Variants in GRM8 observed in about 807,000 individuals in gnomAD.
The protein encoded by GRM8 is glutamate metabotropic receptor 8.
Under a neutral mutation model 87.2 loss-of-function variants are expected in GRM8, and 47 were observed. The observed-to-expected ratio is 0.54, with a 90% confidence interval of 0.43 to 0.69. GRM8 has a LOEUF of 0.69. Among genes scored for constraint, GRM8 ranks in the 30% least tolerant of loss-of-function variants. GRM8 has a pLI of 0.00. For synonymous variants in GRM8, 396 were observed against 404.5 expected (o/e 0.98, Z 0.25); for missense variants, 1,019 against 1,139.2 (o/e 0.89, Z 1.52).
At chr7:126,730,100 TGTAAGA>T (rs1447191960) in intron 7 of GRM8, among the ~76,000 whole-genome samples, 5 of 152,234 alleles carry the variant, frequency 3.3e-5, no homozygotes, top group Admixed American at 1.3e-4. Flanking sequence ...AAAGAAGTAA[TGTAAGA>T]GTAATGTTTG....
chr7:127,218,527 C>T (rs1258328783), intron 2 of GRM8, among the ~76,000 whole-genome samples: 1 of 152,150 alleles, frequency 6.6e-6, no homozygotes, highest in African/African-American at 2.4e-5. Flanking sequence ...ATAAGCATTG[C>T]TACTTCATAG....
intron 6 of GRM8, among the ~76,000 whole-genome samples, chr7:126,813,796 C>G (rs1233196094): frequency 6.6e-6 from 1 of 152,044 alleles, no homozygotes; most frequent in African/African-American, 2.4e-5. Context: ...GTACAAAGCT[C>G]CTTGATAATG....
In GRM8 at chr7:126,622,516, T is replaced by C. The variant is rs573453820; in HGVS notation, c.1358-13018A>G. 2.6e-5 allele frequency among the ~76,000 whole-genome samples: 4 copies of C among 152,182 alleles called. No homozygotes were observed. In the South Asian group the frequency reaches 8.3e-4, roughly 32 times the overall value. On this transcript the variant is annotated intron_variant, in intron 7 of 10. Transcript: ENST00000339582. ...CCACAAAATCTACCGCCTACCTGTA[T>C]CCACACTCATATTCTCCCATCCCTC...
chr7:127,206,111 T>G (rs1342102359), intron 2 of GRM8, among the ~76,000 whole-genome samples: 1 of 152,182 alleles, frequency 6.6e-6, no homozygotes, highest in Non-Finnish European at 1.5e-5. Context: ...TCCTAATGAA[T>G]GTATTTCTCC....
chr7:126,474,268 G>GTGTGTGTATA (rs1554444586), intron 9 of GRM8, among the ~76,000 whole-genome samples: 24 of 150,194 alleles, frequency 1.6e-4, no homozygotes, highest in Admixed American at 1.5e-3. Context: ...GTGTGTGTGT[G>GTGTGTGTATA]TATATATATA....
intron 2 of GRM8, among the ~76,000 whole-genome samples, chr7:127,166,543 G>T (rs1241867498): frequency 6.6e-6 from 1 of 152,128 alleles, no homozygotes; most frequent in African/African-American, 2.4e-5. Flanking sequence ...ATCAACCAAA[G>T]ATTGGCTCAT....
intron 7 of GRM8, among the ~76,000 whole-genome samples, chr7:126,629,974 G>A (rs898654105): frequency 1.3e-5 from 2 of 152,018 alleles, no homozygotes; most frequent in African/African-American, 4.8e-5. Flanking sequence ...CTTTTCAAAT[G>A]TATCTAAAAC....
chr7:126,644,749 T>C (rs1802853717), intron 7 of GRM8, among the ~76,000 whole-genome samples: 1 of 152,218 alleles, frequency 6.6e-6, no homozygotes, highest in Non-Finnish European at 1.5e-5. Flanking sequence ...GACAAATAAC[T>C]GGATATTGTC....
At chr7:126,484,266 G>T (rs1038750382) in intron 9 of GRM8, among the ~76,000 whole-genome samples, 1 of 152,054 alleles carries the variant, frequency 6.6e-6, no homozygotes, top group African/African-American at 2.4e-5. Context: ...TGGAGCAACT[G>T]CAGGGCAGCC....
At chr7:127,107,372 T>C (rs568983557) in intron 2 of GRM8, among the ~76,000 whole-genome samples, 1 of 152,300 alleles carries the variant, frequency 6.6e-6, no homozygotes, top group South Asian at 2.1e-4. Context: ...ATCCAGACCA[T>C]AAATTCTTTA....
intron 7 of GRM8, among the ~76,000 whole-genome samples, chr7:126,697,807 A>T (rs976293261): frequency 2.0e-5 from 3 of 152,202 alleles, no homozygotes; most frequent in Non-Finnish European, 4.4e-5. Flanking sequence ...CTGAAAATAT[A>T]GAAGGGGTGC....
intron 9 of GRM8, among the ~76,000 whole-genome samples, chr7:126,532,125 A>G (rs1341222188): frequency 6.6e-6 from 1 of 152,234 alleles, no homozygotes; most frequent in East Asian, 1.9e-4. Context: ...GAACTACAAC[A>G]TCCAACCCAG....
intron 7 of GRM8, among the ~76,000 whole-genome samples, chr7:126,728,993 C>T (rs1813305149): frequency 6.6e-6 from 1 of 151,662 alleles, no homozygotes. Flanking sequence ...GGCTTTTTCT[C>T]TGACCACACT....
Position 127,125,022 on chromosome 7 carries a change from C to T in GRM8, c.511-18310G>A, listed in dbSNP as rs183667899. On this transcript the variant is annotated intron_variant, in intron 2 of 10. Transcript: ENST00000339582. The stretch of plus-strand genomic sequence containing the variant: ...ATACCCTCAACGTGATAATGGACAT[C>T]TGTTGAAAAAATACATCTAAAATCA... Among the ~76,000 whole-genome samples the T allele has an allele frequency of 1.2e-3, 177 of 152,226 alleles. 1 individual carries two copies. Among genetic ancestry groups the T allele is most frequent in the African/African-American group, 4.2e-3 (176 of 41,574 alleles).
chr7:126,796,298 TATC>T (rs1821942051), intron 6 of GRM8, among the ~76,000 whole-genome samples: 1 of 151,930 alleles, frequency 6.6e-6, no homozygotes, highest in Non-Finnish European at 1.5e-5. Context: ...CAACATATCA[TATC>T]ATATCAAACA....
chr7:126,974,630 G>A (rs527296015), intron 3 of GRM8, among the ~76,000 whole-genome samples: 5 of 152,184 alleles, frequency 3.3e-5, no homozygotes, highest in Admixed American at 6.5e-5. Context: ...GTGCAATTCT[G>A]ATTAAAAACC....
chr7:126,508,927 C>T (rs866735941), intron 9 of GRM8, among the ~76,000 whole-genome samples: 1 of 151,998 alleles, frequency 6.6e-6, no homozygotes, highest in Admixed American at 6.6e-5. Flanking sequence ...TTTGCAAGTA[C>T]CAACGTAATT....
At chr7:126,543,606 C>T (rs765179990) in intron 8 of GRM8, among the ~76,000 whole-genome samples, 1 of 152,138 alleles carries the variant, frequency 6.6e-6, no homozygotes, top group African/African-American at 2.4e-5. Flanking sequence ...AAGGGAATGA[C>T]TGGTTTTGAA....
At chr7:126,676,861 A>G (rs1220713247) in intron 7 of GRM8, among the ~76,000 whole-genome samples, 1 of 152,144 alleles carries the variant, frequency 6.6e-6, no homozygotes, top group African/African-American at 2.4e-5. Flanking sequence ...AATAAAAAGA[A>G]ATAAATGAGG....
Sources: allele counts gnomAD v4.1 joint callset (sites outside exome capture counted in the v4.1 genomes callset), GRCh38; gene constraint gnomAD v4.1.1; transcripts MANE v1.5; gene names NCBI Gene and HGNC (gene_info 2026-07-23, HGNC 2026-07-21).